Variants in BLTP1 observed in about 807,000 individuals in gnomAD.
BLTP1 encodes bridge-like lipid transfer protein family member 1, also known as fragile site-associated protein.
At chr4:122,231,652 G>A in the BLTP1 span, 42 of 960,364 alleles carry the variant, frequency 4.4e-5, no homozygotes, top group Admixed American at 7.4e-4. Context: ...TAATCAAATA[G>A]CATCTGTATT....
the BLTP1 span, chr4:122,263,706 G>A: frequency 1.6e-6 from 1 of 644,570 alleles, no homozygotes; most frequent in Non-Finnish European, 2.6e-6. Flanking sequence ...CTGTTTGGTT[G>A]AAATTGGTCC....
At chr4:122,267,909 C>T in the BLTP1 span, among the ~76,000 whole-genome samples, 1,770 of 152,002 alleles carry the variant, frequency 0.012, 17 homozygotes, top group Non-Finnish European at 0.017. Context: ...TTTCTTTCAT[C>T]CTTTTTGTGT....
the BLTP1 span, among the ~76,000 whole-genome samples, chr4:122,279,046 A>G: frequency 2.0e-5 from 3 of 152,206 alleles, no homozygotes; most frequent in African/African-American, 4.8e-5. Flanking sequence ...TCCCATTACA[A>G]TTCTTTGAAG....
At chr4:122,336,147 G>T in the BLTP1 span, 1 of 1,484,860 alleles carries the variant, frequency 6.7e-7, no homozygotes, top group Non-Finnish European at 9.1e-7. Flanking sequence ...TGTTTAATTG[G>T]AACTTTTTAT....
chr4:122,279,638 T>C, the BLTP1 span: 1,590 of 935,750 alleles, frequency 1.7e-3, 17 homozygotes, highest in East Asian at 0.025. Context: ...ACACTTTTTT[T>C]GTAATACACA....
At chr4:122,238,443 C>A in the BLTP1 span, 1 of 963,404 alleles carries the variant, frequency 1.0e-6, no homozygotes, top group South Asian at 1.6e-5. Context: ...TCTCCACTCC[C>A]CCACTTTAGA....
At chr4:122,163,738 A>G in the BLTP1 span, among the ~76,000 whole-genome samples, 75 of 152,350 alleles carry the variant, frequency 4.9e-4, no homozygotes, top group African/African-American at 1.7e-3. Flanking sequence ...TATTTTGCCC[A>G]CAATCACACA....
the BLTP1 span, chr4:122,334,625 C>A: frequency 7.3e-7 from 1 of 1,365,338 alleles, no homozygotes; most frequent in South Asian, 1.3e-5. Context: ...TGAGACTTTC[C>A]AATGCACATG....
the BLTP1 span, chr4:122,250,015 A>G: frequency 1.1e-6 from 1 of 939,388 alleles, no homozygotes; most frequent in South Asian, 4.9e-5. Context: ...TATGCCATAT[A>G]GGATATAAAA....
chr4:122,224,898 A>G, the BLTP1 span: 1 of 1,390,372 alleles, frequency 7.2e-7, no homozygotes, highest in Admixed American at 2.9e-5. Flanking sequence ...TAATGTGTGT[A>G]GACCTATATA....
chr4:122,187,559 G>T, the BLTP1 span: 1 of 1,539,906 alleles, frequency 6.5e-7, no homozygotes, highest in Non-Finnish European at 8.7e-7. Context: ...TAGTAATGTA[G>T]AACTTTTAAT....
chr4:122,200,961 T>G, the BLTP1 span: 1 of 1,591,640 alleles, frequency 6.3e-7, no homozygotes, highest in East Asian at 2.2e-5. Context: ...GTTCACACAG[T>G]GTCACATTTT....
At chr4:122,232,539 G>A in the BLTP1 span, among the ~76,000 whole-genome samples, 24 of 151,938 alleles carry the variant, frequency 1.6e-4, no homozygotes, top group Admixed American at 3.9e-4. Flanking sequence ...CCTGGGAGGC[G>A]GAGGTTGCAG....
chr4:122,309,071 GA>G, the BLTP1 span: 13 of 282,994 alleles, frequency 4.6e-5, no homozygotes, highest in Non-Finnish European at 5.8e-5. Context: ...TGTTAAGTAA[GA>G]AAAAAAATGC....
At chr4:122,226,448 G>A in the BLTP1 span, 30 of 1,227,056 alleles carry the variant, frequency 2.4e-5, no homozygotes, top group African/African-American at 4.1e-4. Context: ...AAAAGTTGCT[G>A]AAGTGAAATT....
At chr4:122,158,458 T>C in the BLTP1 span, among the ~76,000 whole-genome samples, 2 of 152,302 alleles carry the variant, frequency 1.3e-5, no homozygotes, top group African/African-American at 2.4e-5. Context: ...TTAGTTGATA[T>C]GTTTTCTACA....
chr4:122,331,334 C>A, the BLTP1 span: 1 of 1,609,682 alleles, frequency 6.2e-7, no homozygotes, highest in Non-Finnish European at 8.5e-7. Context: ...AGACATACGT[C>A]TCGTAAAAAA....
At chr4:122,206,048 T>A in the BLTP1 span, 1 of 983,156 alleles carries the variant, frequency 1.0e-6, no homozygotes, top group South Asian at 4.7e-5. Context: ...AAACTTAAAG[T>A]ACCAAAGGGT....
chr4:122,185,678 T>C, the BLTP1 span, among the ~76,000 whole-genome samples: 1 of 152,220 alleles, frequency 6.6e-6, no homozygotes, highest in East Asian at 1.9e-4. Context: ...ACTTTAAACA[T>C]TTTACTGCAT....
Sources: gnomAD v4.1 joint callset for allele counts (sites outside exome capture counted in the v4.1 genomes callset) on GRCh38, gnomAD v4.1.1 for gene constraint, MANE v1.5 for transcripts, NCBI Gene and HGNC (gene_info 2026-07-23, HGNC 2026-07-21) for gene names.